The following SBF2 variants were observed in gnomAD, a reference collection of about 807,000 sequenced individuals.
SBF2 encodes the protein myotubularin-related protein 13.
SBF2 carries 112 observed loss-of-function variants against 225.2 expected under a neutral mutation model. The ratio of observed to expected loss-of-function variants is 0.50; its 90% CI spans 0.43 to 0.58. The LOEUF (loss-of-function observed/expected upper bound fraction) is 0.58. Among genes scored for constraint, SBF2 ranks in the 20% least tolerant of loss-of-function variants. The pLI is 0.00. For synonymous variants in SBF2, 763 were observed against 773.3 expected (o/e 0.99, Z 0.22); for missense variants, 1,996 against 2,206.2 (o/e 0.90, Z 1.91).
intron 16 of SBF2, among the ~76,000 whole-genome samples, chr11:9,944,248 C>T (rs1226182168): frequency 1.3e-5 from 2 of 152,158 alleles, no homozygotes; most frequent in Non-Finnish European, 2.9e-5. Flanking sequence ...GACAGTGGTT[C>T]TAAAGGAGAG....
At chr11:10,225,308 C>T (rs7106998) in intron 1 of SBF2, among the ~76,000 whole-genome samples, 69,311 of 151,288 alleles carry the variant, frequency 0.46, 16,112 homozygotes, top group African/African-American at 0.52. Flanking sequence ...AAAAACACTT[C>T]TTCTTTAAAA....
chr11:10,007,602 T>C (rs553623188), intron 6 of SBF2, among the ~76,000 whole-genome samples: 63 of 152,292 alleles, frequency 4.1e-4, no homozygotes, highest in African/African-American at 1.5e-3. Flanking sequence ...CTAGTGATGA[T>C]AGCTGCCATA....
intron 26 of SBF2, among the ~76,000 whole-genome samples, chr11:9,834,515 G>C (rs1201484765): frequency 6.6e-6 from 1 of 152,098 alleles, no homozygotes; most frequent in East Asian, 1.9e-4. Flanking sequence ...TCTAGTTTAT[G>C]GTCACATAAA....
intron 2 of SBF2, among the ~76,000 whole-genome samples, chr11:10,174,310 G>C (rs531525116): frequency 4.4e-4 from 67 of 152,282 alleles, no homozygotes; most frequent in African/African-American, 1.6e-3. Context: ...ACAGAGAAGT[G>C]CTTAAAGGAG....
chr11:10,221,679 A>C (rs1371240453), intron 1 of SBF2, among the ~76,000 whole-genome samples: 1 of 152,208 alleles, frequency 6.6e-6, no homozygotes, highest in African/African-American at 2.4e-5. Flanking sequence ...ACAAAATATA[A>C]AAATCAGCTA....
At chr11:10,256,286 A>C (rs916023053) in intron 1 of SBF2, among the ~76,000 whole-genome samples, 1 of 152,228 alleles carries the variant, frequency 6.6e-6, no homozygotes, top group Admixed American at 6.5e-5. Context: ...TACTCTCCAC[A>C]ATAACTACTC....
At chr11:10,099,655 A>G (rs937695892) in intron 2 of SBF2, among the ~76,000 whole-genome samples, 1 of 152,202 alleles carries the variant, frequency 6.6e-6, no homozygotes, top group African/African-American at 2.4e-5. Context: ...ATAATTTGTT[A>G]AGTATATTAA....
At chr11:10,035,865 G>T (rs1476595356) in intron 3 of SBF2, among the ~76,000 whole-genome samples, 6 of 152,118 alleles carry the variant, frequency 3.9e-5, no homozygotes, top group Non-Finnish European at 8.8e-5. Context: ...ATTCCTTGAG[G>T]ATCTAGAACT....
In SBF2 at chr11:10,136,838, C is replaced by T. The variant is rs554232420; in HGVS notation, c.141+57064G>A. ...CTGTTTTTCTTTTATTATCTTTCTG[C>T]CAATACAATAGGATGATTCTTCCCA... On this transcript the variant is annotated intron_variant, in intron 2 of 39. Coordinates refer to ENST00000256190, the MANE Select transcript of SBF2 (RefSeq NM_030962.4). 1.3e-5 allele frequency among the ~76,000 whole-genome samples: 2 copies of T among 152,310 alleles called. 1 individual carries two copies. Among genetic ancestry groups the T allele is most frequent in the South Asian group, 4.1e-4 (2 of 4,820 alleles).
rs1565118590 is a variant in SBF2 at position 10,002,697 on chromosome 11, C to T, written c.620-8G>A. 4 of 1,612,384 alleles carry T rather than the reference C, an allele frequency of 2.5e-6. No individual in the cohort carries two copies. The highest frequency in any genetic ancestry group is 3.4e-6 in the Non-Finnish European group (4 of 1,178,550). ...TGAGGACATTTTGAATTCCTGAAAA[C>T]ATAAGAGCAAGGACTTACAAATGCA... is the stretch of plus-strand genomic sequence containing the variant. On this transcript the variant is annotated splice_region_variant and splice_polypyrimidine_tract_variant and intron_variant, in intron 6 of 39. Transcript: ENST00000256190.
chr11:9,857,034 G>T (rs1016364334), intron 18 of SBF2, among the ~76,000 whole-genome samples: 3 of 152,112 alleles, frequency 2.0e-5, no homozygotes, highest in Admixed American at 2.0e-4. Flanking sequence ...TGATCAGCCC[G>T]CCTCGGCCTC....
At chr11:10,007,870 T>G (rs2134540082) in intron 6 of SBF2, among the ~76,000 whole-genome samples, 1 of 152,354 alleles carries the variant, frequency 6.6e-6, no homozygotes, top group South Asian at 2.1e-4. Flanking sequence ...ATGTAAGGCC[T>G]GAGCCAAATT....
At chr11:9,793,034 T>G (rs1004066464) in intron 33 of SBF2, among the ~76,000 whole-genome samples, 1 of 149,380 alleles carries the variant, frequency 6.7e-6, no homozygotes, top group Non-Finnish European at 1.5e-5. Flanking sequence ...CACCTCAGCC[T>G]CTCAAAGTGC....
At chr11:9,852,380 T>C (rs1323471756) in intron 21 of SBF2, among the ~76,000 whole-genome samples, 2 of 152,190 alleles carry the variant, frequency 1.3e-5, no homozygotes, top group Non-Finnish European at 2.9e-5. Context: ...GTATAAAATC[T>C]TGGGTTGGGC....
intron 17 of SBF2, among the ~76,000 whole-genome samples, chr11:9,894,931 G>A (rs1047962630): frequency 6.6e-6 from 1 of 151,746 alleles, no homozygotes; most frequent in Non-Finnish European, 1.5e-5. Context: ...GCAATGAGCC[G>A]AGATTGAGCC....
intron 1 of SBF2, among the ~76,000 whole-genome samples, chr11:10,251,995 C>T (rs987180358): frequency 6.6e-6 from 1 of 152,184 alleles, no homozygotes; most frequent in Non-Finnish European, 1.5e-5. Context: ...GAGGCCCCAA[C>T]AGGCCAAACC....
At chr11:10,066,939 G>A (rs1029564062) in intron 2 of SBF2, among the ~76,000 whole-genome samples, 3 of 152,164 alleles carry the variant, frequency 2.0e-5, no homozygotes, top group African/African-American at 7.2e-5. Context: ...TTAGCAATGA[G>A]CAAACCAGAA....
chr11:10,140,919 AAC>A (rs1954613011), intron 2 of SBF2, among the ~76,000 whole-genome samples: 1 of 152,194 alleles, frequency 6.6e-6, no homozygotes, highest in Admixed American at 6.5e-5. Context: ...AGTATAGGAA[AAC>A]AGTTTATTTT....
chr11:9,915,364 T>C (rs992742221), intron 16 of SBF2, among the ~76,000 whole-genome samples: 1 of 151,284 alleles, frequency 6.6e-6, no homozygotes, highest in African/African-American at 2.4e-5. Flanking sequence ...GGAGAATTGC[T>C]TGAACCCGGG....
Sources: gnomAD v4.1 joint callset for allele counts (sites outside exome capture counted in the v4.1 genomes callset) on GRCh38, gnomAD v4.1.1 for gene constraint, MANE v1.5 for transcripts, NCBI Gene and HGNC (gene_info 2026-07-23, HGNC 2026-07-21) for gene names.